The following METTL15 variants were observed in gnomAD, a reference collection of about 807,000 sequenced individuals.
METTL15 encodes 12S rRNA N(4)-cytidine methyltransferase METTL15.
Under a neutral mutation model 38.3 loss-of-function variants are expected in METTL15, and 34 were observed. The observed-to-expected ratio is 0.89, with a 90% CI of 0.68 to 1.18. The LOEUF (loss-of-function observed/expected upper bound fraction) is 1.18, where lower values mean the gene tolerates loss of function less well. Ranked by LOEUF, METTL15 falls within the 50% of genes most tolerant of loss-of-function variation. METTL15 has a pLI of 0.00. For missense variants in METTL15, 438 were observed against 498.4 expected (o/e 0.88, Z 1.15); for synonymous variants, 162 against 170.9 (o/e 0.95, Z 0.41).
chr11:28,215,277 G>A (rs1852814520), intron 4 of METTL15, among the ~76,000 whole-genome samples: 1 of 152,154 alleles, frequency 6.6e-6, no homozygotes, highest in Non-Finnish European at 1.5e-5. Context: ...GGGGAAGTTA[G>A]ATTAATATTT....
At chr11:28,216,997 T>A (rs1460506858) in intron 4 of METTL15, among the ~76,000 whole-genome samples, 1 of 151,800 alleles carries the variant, frequency 6.6e-6, no homozygotes, top group African/African-American at 2.4e-5. Flanking sequence ...GTCTTTGCTA[T>A]TGTGAATAGT....
chr11:28,529,823 T>C (rs1245689866), downstream of METTL15, among the ~76,000 whole-genome samples: 1 of 152,120 alleles, frequency 6.6e-6, no homozygotes, highest in Non-Finnish European at 1.5e-5. Context: ...TTGTGTATAT[T>C]GACTGAACAT....
intron 3 of METTL15, among the ~76,000 whole-genome samples, chr11:28,116,519 CAT>C (rs1281288880): frequency 2.6e-5 from 4 of 152,310 alleles, no homozygotes; most frequent in South Asian, 2.1e-4. Context: ...GTCTAGGAAA[CAT>C]GTGCATGTGT....
At chr11:28,378,320 AGGACCC>A (rs1452685263) in intron 5 of METTL15, among the ~76,000 whole-genome samples, 2 of 152,228 alleles carry the variant, frequency 1.3e-5, no homozygotes, top group African/African-American at 2.4e-5. Context: ...TCCGTGGGGT[AGGACCC>A]TCTGAGCCAG....
At chr11:28,447,423 G>A (rs190138059) in intron 6 of METTL15, among the ~76,000 whole-genome samples, 1 of 152,292 alleles carries the variant, frequency 6.6e-6, no homozygotes, top group Admixed American at 6.5e-5. Context: ...TGTCTTCTAT[G>A]TCTGAGGCCA....
At chr11:28,419,766 G>A (rs995613980) in intron 5 of METTL15, among the ~76,000 whole-genome samples, 1 of 152,040 alleles carries the variant, frequency 6.6e-6, no homozygotes, top group African/African-American at 2.4e-5. Context: ...AGAAACCCCA[G>A]ATAACACAGA....
intron 6 of METTL15, among the ~76,000 whole-genome samples, chr11:28,522,608 T>A (rs929833393): frequency 1.3e-5 from 2 of 152,156 alleles, no homozygotes; most frequent in African/African-American, 4.8e-5. Context: ...GTGTCACATA[T>A]CTGGACACTA....
At chr11:28,119,264 T>C (rs1049410027) in intron 3 of METTL15, among the ~76,000 whole-genome samples, 4 of 152,200 alleles carry the variant, frequency 2.6e-5, no homozygotes, top group Middle Eastern at 3.2e-3. Context: ...CATGGACATA[T>C]TTGTCTTGCT....
At chr11:28,291,116 C>T (rs1265989581) in intron 5 of METTL15, among the ~76,000 whole-genome samples, 1 of 144,960 alleles carries the variant, frequency 6.9e-6, no homozygotes, top group Admixed American at 7.0e-5. Flanking sequence ...GTGGCATGAT[C>T]TCGCACTGCA....
intron 6 of METTL15, among the ~76,000 whole-genome samples, chr11:28,491,518 A>T (rs1851494436): frequency 6.6e-6 from 1 of 152,048 alleles, no homozygotes; most frequent in African/African-American, 2.4e-5. Context: ...TGGGCTATTG[A>T]CTCTGCTGAT....
intron 6 of METTL15, among the ~76,000 whole-genome samples, chr11:28,482,327 G>T (rs1020766144): frequency 2.0e-5 from 3 of 152,114 alleles, no homozygotes; most frequent in Non-Finnish European, 4.4e-5. Context: ...TATCATGTTT[G>T]GAATTGCAGT....
intron 6 of METTL15, among the ~76,000 whole-genome samples, chr11:28,463,677 A>G (rs1337449619): frequency 6.6e-6 from 1 of 152,114 alleles, no homozygotes; most frequent in Non-Finnish European, 1.5e-5. Flanking sequence ...GTTATACTGT[A>G]TTAACAAGCA....
At chr11:28,323,464 C>T (rs1463472893) in intron 6 of METTL15, among the ~76,000 whole-genome samples, 1 of 152,022 alleles carries the variant, frequency 6.6e-6, no homozygotes, top group African/African-American at 2.4e-5. Context: ...TAGAGACTGC[C>T]TTTTGTATTA....
intron 5 of METTL15, among the ~76,000 whole-genome samples, chr11:28,412,790 A>G (rs1039108411): frequency 9.9e-5 from 15 of 152,004 alleles, no homozygotes; most frequent in Admixed American, 1.3e-4. Context: ...ACAATAGCTG[A>G]TGCATAGAAT....
intron 6 of METTL15, among the ~76,000 whole-genome samples, chr11:28,437,838 T>C (rs539611526): frequency 1.3e-5 from 2 of 152,350 alleles, no homozygotes; most frequent in Admixed American, 1.3e-4. Flanking sequence ...GCCCAGTTTC[T>C]TCCAAATGAT....
At chr11:28,237,451 A>G (rs1017462180) in intron 4 of METTL15, among the ~76,000 whole-genome samples, 1 of 152,132 alleles carries the variant, frequency 6.6e-6, no homozygotes, top group Non-Finnish European at 1.5e-5. Flanking sequence ...TTTCAGCTCC[A>G]TCAGCTCCTT....
intron 5 of METTL15, among the ~76,000 whole-genome samples, chr11:28,294,792 A>G (rs1163093421): frequency 1.3e-5 from 2 of 152,150 alleles, no homozygotes; most frequent in Non-Finnish European, 2.9e-5. Flanking sequence ...CTGTAGCACT[A>G]TGGAAACTTC....
chr11:28,433,490 TA>T (rs2133433592), intron 6 of METTL15, among the ~76,000 whole-genome samples: 1 of 152,290 alleles, frequency 6.6e-6, no homozygotes, highest in East Asian at 1.9e-4. Context: ...TTCTCATGTG[TA>T]AAATGGGGAT....
At chr11:28,451,058 A>G (rs1256930248) in intron 6 of METTL15, among the ~76,000 whole-genome samples, 2 of 152,178 alleles carry the variant, frequency 1.3e-5, no homozygotes, top group South Asian at 2.1e-4. Flanking sequence ...CTGCTGCACC[A>G]TATGTATCAG....
Sources: allele counts gnomAD v4.1 joint callset (sites outside exome capture counted in the v4.1 genomes callset), GRCh38; gene constraint gnomAD v4.1.1; transcripts MANE v1.5; gene names NCBI Gene and HGNC (gene_info 2026-07-23, HGNC 2026-07-21).